PALS2: variants seen among roughly 807,000 people sequenced by gnomAD.
The protein encoded by PALS2 is protein PALS2.
A neutral mutation model predicts 61.6 loss-of-function variants in PALS2; 27 were observed. The ratio of observed to expected loss-of-function variants is 0.44; its 90% CI spans 0.32 to 0.60. The LOEUF is 0.60. Ranked by LOEUF, PALS2 falls within the 20% of genes least tolerant of loss-of-function variation. The pLI, the probability that PALS2 is intolerant of heterozygous loss-of-function variation, is 0.05. For synonymous variants in PALS2, 236 were observed against 218.6 expected (o/e 1.08, Z -0.70); for missense variants, 554 against 639.4 (o/e 0.87, Z 1.44).
chr7:24,659,914 C>T (rs1363638596), intron 5 of PALS2, among the ~76,000 whole-genome samples: 1 of 152,200 alleles, frequency 6.6e-6, no homozygotes, highest in Non-Finnish European at 1.5e-5. Flanking sequence ...TGCACTGTAA[C>T]CACCTTGATC....
rs1258978854 is a variant in PALS2 at position 24,679,208 on chromosome 7, G to C, written c.1192G>C (p.Asp398His). 2 of 1,613,990 alleles carry C rather than the reference G, an allele frequency of 1.2e-6. No individual in the cohort carries two copies. Among genetic ancestry groups the C allele is most frequent in the Non-Finnish European group, 1.7e-6 (2 of 1,179,852 alleles). ...KFVSRSEMEA[D>H]IKAGKYLEHG... is the part of the protein sequence containing the mutation. ...TGTGTCACGATCTGAGATGGAAGCA[G>C]ATATTAAAGCTGGAAAGTATTTGGA... The change falls in exon 10 of 12, where the codon GAT becomes CAT. Residue 398 changes from aspartate (D) to histidine (H), a missense_variant. By Grantham distance (81) the Asp-to-His change is moderately conservative. Transcript: ENST00000222644.
chr7:24,640,290 C>T (rs1785457111), intron 2 of PALS2, among the ~76,000 whole-genome samples: 1 of 151,686 alleles, frequency 6.6e-6, no homozygotes, highest in South Asian at 2.1e-4. Flanking sequence ...ATATAGCTTT[C>T]TTTTCCACTT....
chr7:24,660,289 T>G (rs940495400), intron 5 of PALS2, among the ~76,000 whole-genome samples: 1 of 152,114 alleles, frequency 6.6e-6, no homozygotes, highest in African/African-American at 2.4e-5. Context: ...AGTTGAGATC[T>G]CCCTCTGAAT....
chr7:24,673,989 T>A (rs1453239090), intron 9 of PALS2, among the ~76,000 whole-genome samples: 1 of 152,102 alleles, frequency 6.6e-6, no homozygotes, highest in Non-Finnish European at 1.5e-5. Context: ...AAAATACTTT[T>A]GAGTGGGTTT....
intron 1 of PALS2, among the ~76,000 whole-genome samples, chr7:24,599,101 C>T (rs1056604217): frequency 9.2e-5 from 14 of 152,138 alleles, no homozygotes; most frequent in African/African-American, 3.4e-4. Flanking sequence ...ATTTCATGAT[C>T]GTGCAAACAT....
chr7:24,694,157 A>G lies in PALS2; in HGVS notation c.*6543A>G, dbSNP rs1788598070. ...TTAGTTTCTGTATAAAAGAAACATTATTGCTGTTGTATAAATAAAATTTTC... is the reference window on the plus strand; with the variant it reads ...TTAGTTTCTGTATAAAAGAAACATTGTTGCTGTTGTATAAATAAAATTTTC... On this transcript the variant is annotated 3_prime_UTR_variant, in exon 12 of 12. Coordinates refer to ENST00000222644, the MANE Select transcript of PALS2 (RefSeq NM_001303037.2). 6.6e-6 allele frequency: 1 copy of G among 152,208 alleles called. No homozygotes were observed. 9.4% of individuals were successfully genotyped at this position (152,208 alleles called of 1,614,324 possible).
chr7:24,656,020 C>T (rs1338946474), intron 5 of PALS2, among the ~76,000 whole-genome samples: 2 of 152,104 alleles, frequency 1.3e-5, no homozygotes, highest in African/African-American at 4.8e-5. Flanking sequence ...AGTTCGTACA[C>T]TGAAAATTTT....
At chr7:24,663,899 T>C (rs1245111539) in intron 6 of PALS2, among the ~76,000 whole-genome samples, 178 bp downstream of exon 6, 5 of 152,220 alleles carry the variant, frequency 3.3e-5, no homozygotes, top group Non-Finnish European at 7.3e-5. Flanking sequence ...GGAGGGAATT[T>C]GCAACTTAAT....
At chr7:24,636,461 A>G (rs1363676911) in intron 2 of PALS2, among the ~76,000 whole-genome samples, 2 of 152,164 alleles carry the variant, frequency 1.3e-5, no homozygotes, top group Non-Finnish European at 2.9e-5. Context: ...GAGATATTTG[A>G]TACACAGTAG....
chr7:24,693,906 C>CA lies in PALS2; in HGVS notation c.*6293dup, dbSNP rs1788588960. 6.6e-6 allele frequency: 1 copy of CA among 151,978 alleles called. No homozygotes were observed. Among genetic ancestry groups the CA allele is most frequent in the Non-Finnish European group, 1.5e-5 (1 of 67,992 alleles). 9.4% of individuals were successfully genotyped at this position (151,978 alleles called of 1,614,324 possible). On this transcript the variant is annotated 3_prime_UTR_variant, in exon 12 of 12. Coordinates refer to ENST00000222644, the MANE Select transcript of PALS2 (RefSeq NM_001303037.2). ...AATTTTTTATTCTTCCTTTTCCCCC[C>CA]ACGCCAGTTCGTTTTGGTAAGTCTT... is the stretch of plus-strand genomic sequence containing the variant.
At position 24,612,092 on chromosome 7, in the gene PALS2, ATAT is replaced by A. The variant is rs779257244; in HGVS notation, c.-2-11572_-2-11570del. Among the ~76,000 whole-genome samples the A allele has an allele frequency of 9.9e-5, 15 of 152,054 alleles. 1 individual carries two copies. Among genetic ancestry groups the A allele is most frequent in the Admixed American group, 7.2e-4 (11 of 15,260 alleles). Reference sequence around the variant, plus strand: ...CTTTTAAGCTTTGAAATACTTTTGAATATTTTTGTACAGTGTTTCTCTTTAGCT... The same window carrying A: ...CTTTTAAGCTTTGAAATACTTTTGAATTTTGTACAGTGTTTCTCTTTAGCT... On this transcript the variant is annotated intron_variant, in intron 1 of 11. Transcript: ENST00000222644.
At position 24,688,019 on chromosome 7, in the gene PALS2, C is replaced by T. The variant is rs1210905713; in HGVS notation, c.*405C>T. Reference sequence around the variant, plus strand: ...AGTTTTGTAAAGCTGTCATTTAGTTCAGTATTCAAATAGTGAAGGGTTAGT... The same window carrying T: ...AGTTTTGTAAAGCTGTCATTTAGTTTAGTATTCAAATAGTGAAGGGTTAGT... On this transcript the variant is annotated 3_prime_UTR_variant, in exon 12 of 12. Coordinates refer to ENST00000222644, the MANE Select transcript of PALS2 (RefSeq NM_001303037.2). 6.5e-6 allele frequency: 1 copy of T among 153,684 alleles called. No homozygotes were observed. Among genetic ancestry groups the T allele is most frequent in the East Asian group, 1.9e-4 (1 of 5,234 alleles). The allele number at this position is 153,684 out of a possible 1,614,324, so 9.5% of individuals were successfully genotyped here.
chr7:24,668,383 C>G, intron 8 of PALS2, 116 bp from the exon 9 acceptor site: 3 of 917,530 alleles, frequency 3.3e-6, no homozygotes, highest in Admixed American at 5.8e-5. Flanking sequence ...TAAGTGGGTA[C>G]AAGTCAAGTG....
intron 2 of PALS2, among the ~76,000 whole-genome samples, chr7:24,626,217 A>G (rs1274074228): frequency 6.6e-6 from 1 of 152,206 alleles, no homozygotes; most frequent in Non-Finnish European, 1.5e-5. Flanking sequence ...AAATTAGTTC[A>G]CTGATAGAAG....
chr7:24,670,076 A>G (rs1787222354), intron 9 of PALS2, among the ~76,000 whole-genome samples: 1 of 152,062 alleles, frequency 6.6e-6, no homozygotes, highest in African/African-American at 2.4e-5. Context: ...ATATTTCTTA[A>G]TAATGTCTTT....
At chr7:24,619,014 A>C (rs112289516) in intron 1 of PALS2, among the ~76,000 whole-genome samples, 5 of 152,350 alleles carry the variant, frequency 3.3e-5, no homozygotes, top group African/African-American at 1.2e-4. Context: ...GGTCACTTGA[A>C]AAAGCCAGCT....
intron 11 of PALS2, among the ~76,000 whole-genome samples, chr7:24,685,916 T>TA (rs1442107815): frequency 6.6e-6 from 1 of 152,188 alleles, no homozygotes; most frequent in Non-Finnish European, 1.5e-5. Flanking sequence ...GTTATGCTAA[T>TA]GATTTATATA....
At chr7:24,595,582 T>C (rs1167020119) in intron 1 of PALS2, among the ~76,000 whole-genome samples, 1 of 139,338 alleles carries the variant, frequency 7.2e-6, no homozygotes, top group Non-Finnish European at 1.5e-5. Context: ...TATATAAATA[T>C]ATATAAATAT....
rs1295058915 is a variant in PALS2, at chr7:24,691,066, G to A, written c.*3452G>A. On this transcript the variant is annotated 3_prime_UTR_variant, in exon 12 of 12. Transcript: ENST00000222644. ...TCCTTGGTTTAAAAATTATTAAATG[G>A]TACTTATTTTTATGTATAACAAGTG... 1 of 151,878 alleles carries A rather than the reference G, an allele frequency of 6.6e-6. No homozygotes were observed. The highest frequency in any genetic ancestry group is 1.5e-5 in the Non-Finnish European group (1 of 67,956). The allele number at this position is 151,878 out of a possible 1,614,324, so 9.4% of individuals were successfully genotyped here. A position where few individuals can be genotyped will look rare whatever the true frequency, so the allele number is the denominator to read the frequency against.
Sources: gnomAD v4.1 joint callset for allele counts (sites outside exome capture counted in the v4.1 genomes callset) on GRCh38, gnomAD v4.1.1 for gene constraint, MANE v1.5 for transcripts, NCBI Gene and HGNC (gene_info 2026-07-23, HGNC 2026-07-21) for gene names.